VPS35: variants seen among roughly 807,000 people sequenced by gnomAD.
VPS35 encodes the protein VPS35 retromer complex component.
Under a neutral mutation model 98.1 loss-of-function variants are expected in VPS35, and 21 were observed. That is an observed-to-expected ratio of 0.21 (90% confidence interval 0.15 to 0.31). VPS35 has a LOEUF of 0.31. VPS35 is among the 10% of genes least tolerant of loss of function. The pLI, the probability that VPS35 is intolerant of heterozygous loss-of-function variation, is 1.00. For missense variants in VPS35, 554 were observed against 950.8 expected, an observed-to-expected ratio of 0.58 and a Z score of 5.49; for synonymous variants, 268 against 318.2, an observed-to-expected ratio of 0.84 and a Z score of 1.68.
intron 13 of VPS35, among the ~76,000 whole-genome samples, chr16:46,664,960 T>C (rs904443030): frequency 5.3e-5 from 8 of 152,244 alleles, no homozygotes; most frequent in African/African-American, 1.9e-4. Context: ...AATATTACAA[T>C]GAATGTTCTA....
chr16:46,688,989 A>G, intron 1 of VPS35, 142 bp downstream of exon 1: 1 of 1,539,992 alleles, frequency 6.5e-7, no homozygotes, highest in South Asian at 1.2e-5. Context: ...GCTGTCCCCT[A>G]TCCCGCAGGC....
intron 10 of VPS35, among the ~76,000 whole-genome samples, chr16:46,673,143 TA>T (rs1452790498): frequency 6.6e-6 from 1 of 152,102 alleles, no homozygotes; most frequent in Non-Finnish European, 1.5e-5. Flanking sequence ...TTTTTAATTT[TA>T]TTTTTTATTA....
chr16:46,665,590 CAA>C (rs36051331), intron 13 of VPS35, among the ~76,000 whole-genome samples: 16 of 143,392 alleles, frequency 1.1e-4, no homozygotes, highest in Admixed American at 1.4e-4. Flanking sequence ...GACCTTGACT[CAA>C]AAAAAAAAAA....
At chr16:46,683,732 A>ATT in intron 1 of VPS35, 126 bp from the exon 2 acceptor site, 12 of 959,904 alleles carry the variant, frequency 1.3e-5, no homozygotes, top group East Asian at 2.9e-5. Context: ...CATTTACCAA[A>ATT]TTTTTTTTTT....
intron 5 of VPS35, among the ~76,000 whole-genome samples, chr16:46,680,324 G>A (rs1966215456): frequency 6.6e-6 from 1 of 152,160 alleles, no homozygotes; most frequent in South Asian, 2.1e-4. Context: ...ATGAAATCCA[G>A]CTGGCTCACA....
Position 46,660,436 on chromosome 16 carries a change from T to C in VPS35, c.*36A>G, listed in dbSNP as rs758270070. On this transcript the variant is annotated 3_prime_UTR_variant, in exon 17 of 17. Transcript: ENST00000299138. ...CTAGCGTAATAAAACCCTCACTGGA[T>C]GTACATGGAAAGGAGTATGGTGAGC... The C allele has an allele frequency of 7.5e-6, 12 of 1,610,052 alleles. No individual in the cohort carries two copies. The highest frequency in any genetic ancestry group is 9.3e-6 in the Non-Finnish European group (11 of 1,179,122).
At position 46,683,554 on chromosome 16, in the gene VPS35, G is replaced by C. The variant is rs370411054; in HGVS notation, c.56C>G (p.Ala19Gly). ...TGACTGGACCTTCACAGCCTGTATG[G>C]CTTCATCCAAGAGCTTTTCCTGCTC... ...QDEQEKLLDE[A>G]IQAVKVQSFQ... is the part of the protein sequence containing the mutation. The change falls in exon 2 of 17, where the codon GCC becomes GGC. Residue 19 changes from alanine to glycine, a missense_variant. By Grantham distance (60) the Ala-to-Gly change is moderately conservative. Coordinates refer to ENST00000299138, the MANE Select transcript of VPS35 (RefSeq NM_018206.6). The C allele has an allele frequency of 1.2e-6, 2 of 1,613,880 alleles. No homozygotes were observed. Among genetic ancestry groups the C allele is most frequent in the Admixed American group, 1.7e-5 (1 of 60,000 alleles).
chr16:46,671,541 G>C (rs1259535257), intron 12 of VPS35, among the ~76,000 whole-genome samples, 164 bp downstream of exon 12: 2 of 151,800 alleles, frequency 1.3e-5, no homozygotes, highest in Non-Finnish European at 2.9e-5. Flanking sequence ...GCACAATCTC[G>C]GCTCACTACA....
chr16:46,686,651 G>A lies in VPS35; in HGVS notation c.3+2480C>T, dbSNP rs116513554. On this transcript the variant is annotated intron_variant, in intron 1 of 16. Coordinates refer to ENST00000299138, the MANE Select transcript of VPS35 (RefSeq NM_018206.6). ...AGCTATTATAAGGGCTATTCTTGAT[G>A]CCTTACTATGAAGTGTCACATAGAG... Among the ~76,000 whole-genome samples, 1,198 of 152,274 alleles carry A rather than the reference G, an allele frequency of 7.9e-3. 18 individuals carry two copies. Among genetic ancestry groups the A allele is most frequent in the African/African-American group, 0.027 (1,138 of 41,544 alleles).
At chr16:46,663,885 TTTTTTTG>T (rs1965950899) in intron 13 of VPS35, among the ~76,000 whole-genome samples, 1 of 122,016 alleles carries the variant, frequency 8.2e-6, no homozygotes, top group African/African-American at 3.2e-5. Flanking sequence ...TTTTTTTTTT[TTTTTTTG>T]TAGAGACAGG....
intron 13 of VPS35, among the ~76,000 whole-genome samples, chr16:46,667,174 G>A (rs896505775): frequency 2.0e-5 from 3 of 152,214 alleles, no homozygotes; most frequent in African/African-American, 7.2e-5. Flanking sequence ...GATGTGAGGT[G>A]ACATCTCATA....
rs1189852092 is a variant in VPS35, at chr16:46,656,393, T to C, written c.*4079A>G. On this transcript the variant is annotated 3_prime_UTR_variant, in exon 17 of 17. Coordinates refer to ENST00000299138, the MANE Select transcript of VPS35 (RefSeq NM_018206.6). The stretch of plus-strand genomic sequence containing the variant: ...TGTTTATGGGAGGTCAGCAAAGCAT[T>C]TGAAACCACCTTTACAAAAATTGTA... 6.6e-6 allele frequency: 1 copy of C among 152,224 alleles called. No homozygotes were observed. The highest frequency in any genetic ancestry group is 2.4e-5 in the African/African-American group (1 of 41,448). The allele number at this position is 152,224 out of a possible 1,614,324, so 9.4% of individuals were successfully genotyped here.
At chr16:46,674,704 T>A in intron 8 of VPS35, 44 bp from the exon 9 acceptor site, 1 of 1,473,606 alleles carries the variant, frequency 6.8e-7, no homozygotes, top group Non-Finnish European at 9.3e-7. Flanking sequence ...AGATACAGGG[T>A]TTGGGTAGTG....
Position 46,680,662 on chromosome 16 carries a change from A to G in VPS35, c.506+9T>C. On this transcript the variant is annotated intron_variant, in intron 5 of 16. Transcript: ENST00000299138. ...TATTGCAACAAAATTAAGAAAGAAA[A>G]TCACTTACTCTGTTGGCTCTCCTTC... is the stretch of plus-strand genomic sequence containing the variant. 1.2e-6 allele frequency: 2 copies of G among 1,613,238 alleles called. No individual in the cohort carries two copies. Among genetic ancestry groups the G allele is most frequent in the Non-Finnish European group, 1.7e-6 (2 of 1,179,462 alleles).
Position 46,681,440 on chromosome 16 carries a change from T to G in VPS35, c.260A>C (p.Lys87Thr). The change falls in exon 4 of 17, where the codon AAA becomes ACA. Residue 87 changes from lysine (K) to threonine (T), a missense_variant. Lys to Thr is a moderately conservative substitution (Grantham distance 78, BLOSUM62 -1). Coordinates refer to ENST00000299138, the MANE Select transcript of VPS35 (RefSeq NM_018206.6). ...GTAGAGATCTGCCACTTTCCTTCCTTTAGCAAACTCATCTGTCAGGTAGAC... is the reference window on the plus strand; with the variant it reads ...GTAGAGATCTGCCACTTTCCTTCCTGTAGCAAACTCATCTGTCAGGTAGAC... ...LEVYLTDEFA[K>T]GRKVADLYEL... is the part of the protein sequence containing the mutation. 6.2e-7 allele frequency: 1 copy of G among 1,613,750 alleles called. No homozygotes were observed. Among genetic ancestry groups the G allele is most frequent in the African/African-American group, 1.3e-5 (1 of 75,018 alleles).
At chr16:46,683,056 T>G (rs1413957688) in intron 2 of VPS35, 4 of 168,084 alleles carry the variant, frequency 2.4e-5, no homozygotes, top group Admixed American at 2.2e-4. Flanking sequence ...GCAAAGAAAT[T>G]AAAGTTTTCA....
intron 6 of VPS35, among the ~76,000 whole-genome samples, chr16:46,678,539 T>C (rs1410085087): frequency 6.6e-6 from 1 of 152,182 alleles, no homozygotes; most frequent in African/African-American, 2.4e-5. Flanking sequence ...TTTTCACCAA[T>C]ACCACACAGG....
intron 13 of VPS35, among the ~76,000 whole-genome samples, chr16:46,666,870 G>A (rs762782505): frequency 1.1e-4 from 17 of 152,092 alleles, no homozygotes; most frequent in African/African-American, 2.9e-4. Flanking sequence ...CTCATCTATC[G>A]ATGGACACTA....
Position 46,662,319 on chromosome 16 carries a change from G to T in VPS35, c.1991C>A (p.Pro664His). 6.2e-7 allele frequency: 1 copy of T among 1,614,176 alleles called. No homozygotes were observed. The highest frequency in any genetic ancestry group is 8.5e-7 in the Non-Finnish European group (1 of 1,180,044). Reference protein sequence around the residue: ...ALAASKLLKKPDQGRAVSTCA... With the variant: ...ALAASKLLKKHDQGRAVSTCA... ...GGTGCTCACAGCTCGGCCCTGATCA[G>T]GTTTCTTTAGAAGTTTGGATGCAGC... Residue 664 changes from proline (P) to histidine (H), a missense_variant, in exon 15 of 17, where the codon CCT becomes CAT. This residue lies in a region of VPS35 where 153 missense variants were observed against 211.0 expected (regional missense o/e 0.73). Coordinates refer to ENST00000299138, the MANE Select transcript of VPS35 (RefSeq NM_018206.6).
Sources: allele counts gnomAD v4.1 joint callset (sites outside exome capture counted in the v4.1 genomes callset), GRCh38; gene constraint gnomAD v4.1.1; regional missense constraint gnomAD v4.1.1; transcripts MANE v1.5; gene names NCBI Gene and HGNC (gene_info 2026-07-23, HGNC 2026-07-21).